Variants in EDARADD observed in about 807,000 individuals in gnomAD.
EDARADD encodes the protein ectodysplasin-A receptor-associated adapter protein.
In EDARADD, 20 loss-of-function variants were observed where a neutral mutation model predicts 25.6. That is an observed-to-expected ratio of 0.78 (90% CI 0.55 to 1.14). The LOEUF is 1.14. EDARADD is among the 50% of genes most tolerant of loss of function. The pLI is 0.00. For synonymous variants in EDARADD, 86 were observed against 94.4 expected (o/e 0.91, Z 0.52); for missense variants, 225 against 270.1 (o/e 0.83, Z 1.17).
intron 4 of EDARADD, among the ~76,000 whole-genome samples, chr1:236,463,493 A>G (rs1659095188): frequency 6.6e-6 from 1 of 152,150 alleles, no homozygotes; most frequent in South Asian, 2.1e-4. Flanking sequence ...GGGTTTCACC[A>G]TGTTAGCCAG....
chr1:236,447,794 C>T (rs12089515), intron 4 of EDARADD, among the ~76,000 whole-genome samples: 7,704 of 152,062 alleles, frequency 0.051, 570 homozygotes, highest in African/African-American at 0.16. Flanking sequence ...ACCAATGGTT[C>T]TGGTCCTCGA....
intron 1 of EDARADD, among the ~76,000 whole-genome samples, chr1:236,401,655 A>C (rs975674969): frequency 6.6e-6 from 1 of 152,116 alleles, no homozygotes; most frequent in Non-Finnish European, 1.5e-5. Context: ...GGAATGATTA[A>C]CGCTTTTGGG....
chr1:236,432,382 C>T (rs1658120264), intron 4 of EDARADD, among the ~76,000 whole-genome samples: 1 of 139,148 alleles, frequency 7.2e-6, no homozygotes, highest in Non-Finnish European at 1.6e-5. Context: ...GAGCCAGACC[C>T]TGCCACCAAA....
At chr1:236,391,351 A>G (rs1667424328), upstream of EDARADD, among the ~76,000 whole-genome samples, 1 of 152,174 alleles carries the variant, frequency 6.6e-6, no homozygotes, top group Admixed American at 6.5e-5. Flanking sequence ...AACTGCCTTA[A>G]AGCACTCTGG....
chr1:236,409,892 T>A (rs1446666170), intron 2 of EDARADD, among the ~76,000 whole-genome samples: 1 of 152,016 alleles, frequency 6.6e-6, no homozygotes, highest in East Asian at 1.9e-4. Flanking sequence ...ACTACTGGTC[T>A]GGTAATGGAG....
chr1:236,358,819 A>G (rs1010245536), intron 3 of EDARADD, among the ~76,000 whole-genome samples: 1 of 148,952 alleles, frequency 6.7e-6, no homozygotes, highest in African/African-American at 2.5e-5. Context: ...AGTAAGTGCC[A>G]TATGGCACCA....
At chr1:236,397,407 A>C (rs527695182) in intron 1 of EDARADD, among the ~76,000 whole-genome samples, 2 of 151,992 alleles carry the variant, frequency 1.3e-5, no homozygotes, top group African/African-American at 4.8e-5. Context: ...TCTCAAAATA[A>C]ATAAATAAAT....
At chr1:236,449,011 T>C (rs1238110302) in intron 4 of EDARADD, among the ~76,000 whole-genome samples, 4 of 152,140 alleles carry the variant, frequency 2.6e-5, no homozygotes, top group Non-Finnish European at 4.4e-5. Flanking sequence ...AAGTCTGAGA[T>C]CAAGGTGCCA....
At chr1:236,373,019 C>T (rs1356565247) in intron 3 of EDARADD, among the ~76,000 whole-genome samples, 1 of 141,668 alleles carries the variant, frequency 7.1e-6, no homozygotes, top group Non-Finnish European at 1.5e-5. Context: ...GGGTTCATGC[C>T]ATTCTCCTGC....
At chr1:236,368,280 C>T (rs765011875) in intron 3 of EDARADD, among the ~76,000 whole-genome samples, 12 of 152,132 alleles carry the variant, frequency 7.9e-5, no homozygotes, top group Non-Finnish European at 1.6e-4. Flanking sequence ...GGTCTTCAGT[C>T]GGGCTTTTCC....
At chr1:236,445,742 C>T (rs1658519616) in intron 4 of EDARADD, among the ~76,000 whole-genome samples, 1 of 152,158 alleles carries the variant, frequency 6.6e-6, no homozygotes, top group African/African-American at 2.4e-5. Flanking sequence ...TTTGATGCCT[C>T]CAAGAGTCTT....
At chr1:236,408,972 G>A (rs912198410) in intron 1 of EDARADD, among the ~76,000 whole-genome samples, 2 of 150,370 alleles carry the variant, frequency 1.3e-5, no homozygotes, top group African/African-American at 4.9e-5. Context: ...GACCAGGCTG[G>A]TCTCGAACTC....
At chr1:236,447,164 C>CTTT in intron 4 of EDARADD, among the ~76,000 whole-genome samples, 1 of 127,246 alleles carries the variant, frequency 7.9e-6, no homozygotes, top group African/African-American at 3.3e-5. Context: ...CTCCCTCCCT[C>CTTT]CCTCCCTCTT....
chr1:236,457,184 C>A (rs1401318519), intron 4 of EDARADD, among the ~76,000 whole-genome samples: 1 of 152,142 alleles, frequency 6.6e-6, no homozygotes, highest in Non-Finnish European at 1.5e-5. Flanking sequence ...CTTGTTTCTG[C>A]TTTTAGACCT....
chr1:236,482,101 C>T (rs1281235958), intron 5 of EDARADD, among the ~76,000 whole-genome samples, 166 bp from the exon 6 acceptor site: 3 of 137,116 alleles, frequency 2.2e-5, no homozygotes, highest in Admixed American at 7.8e-5. Flanking sequence ...GGCGAAAGAG[C>T]GAGACTCCAT....
At chr1:236,479,751 A>G (rs1048555428) in intron 5 of EDARADD, among the ~76,000 whole-genome samples, 3 of 151,656 alleles carry the variant, frequency 2.0e-5, no homozygotes, top group African/African-American at 7.3e-5. Flanking sequence ...TAATCAAAAA[A>G]AAAAAGAAAA....
chr1:236,445,436 C>T (rs908200102), intron 4 of EDARADD, among the ~76,000 whole-genome samples: 1 of 152,064 alleles, frequency 6.6e-6, no homozygotes, highest in Non-Finnish European at 1.5e-5. Flanking sequence ...CTATGTTGAC[C>T]AGGCTGGTCT....
intron 3 of EDARADD, among the ~76,000 whole-genome samples, chr1:236,363,006 A>AATATATATATATATATATATATAT (rs1184705463): frequency 3.3e-4 from 14 of 42,934 alleles, no homozygotes; most frequent in Non-Finnish European, 4.2e-4. Context: ...AAAAAAAAAA[A>AATATATATATATATATATATATAT]ATATATATAT....
chr1:236,436,318 G>A (rs540028303), intron 4 of EDARADD, among the ~76,000 whole-genome samples: 7 of 151,974 alleles, frequency 4.6e-5, no homozygotes, highest in African/African-American at 1.2e-4. Context: ...CACTGCACCC[G>A]GCTAATTTTT....
Sources: gnomAD v4.1 joint callset for allele counts (sites outside exome capture counted in the v4.1 genomes callset) on GRCh38, gnomAD v4.1.1 for gene constraint, MANE v1.5 for transcripts, NCBI Gene and HGNC (gene_info 2026-07-23, HGNC 2026-07-21) for gene names.